The following CGNL1 variants were observed in gnomAD, a reference collection of about 807,000 sequenced individuals.
CGNL1 encodes cingulin-like protein 1.
In CGNL1, 132 loss-of-function variants were observed where a neutral mutation model predicts 141.2. That is an observed-to-expected ratio of 0.93 (90% CI 0.81 to 1.08). The LOEUF is 1.08. Among genes scored for constraint, CGNL1 ranks in the 50% least tolerant of loss-of-function variants. The pLI is 0.00. For missense variants in CGNL1, 1,870 were observed against 1,588.6 expected (o/e 1.18, Z -3.01); for synonymous variants, 690 against 622.1 (o/e 1.11, Z -1.63).
At chr15:57,452,325 G>A (rs770962468) in intron 6 of CGNL1, 36 bp downstream of exon 6, 49 of 1,592,632 alleles carry the variant, frequency 3.1e-5, no homozygotes, top group Non-Finnish European at 3.8e-5. Flanking sequence ...GCCCTTCCCA[G>A]GTTCTCTATG....
intron 4 of CGNL1, among the ~76,000 whole-genome samples, chr15:57,449,329 C>T (rs1247928673): frequency 6.6e-6 from 1 of 152,218 alleles, no homozygotes; most frequent in African/African-American, 2.4e-5. Flanking sequence ...CTTACTATCT[C>T]TAAACTCTAA....
intron 8 of CGNL1, among the ~76,000 whole-genome samples, chr15:57,487,119 A>G (rs543261896): frequency 1.3e-5 from 2 of 152,316 alleles, no homozygotes; most frequent in Admixed American, 1.3e-4. Flanking sequence ...CTAATTGCCC[A>G]GCAACTAGAA....
chr15:57,380,621 A>G (rs1172758821), intron 1 of CGNL1, among the ~76,000 whole-genome samples: 1 of 152,076 alleles, frequency 6.6e-6, no homozygotes, highest in African/African-American at 2.4e-5. Flanking sequence ...CCGTACCCCA[A>G]ATGACTGATT....
intron 7 of CGNL1, among the ~76,000 whole-genome samples, chr15:57,459,161 C>G (rs1041013910): frequency 6.6e-6 from 1 of 152,176 alleles, no homozygotes; most frequent in Admixed American, 6.5e-5. Flanking sequence ...TCCAAGAAAA[C>G]AGGTCGTGTT....
intron 4 of CGNL1, among the ~76,000 whole-genome samples, chr15:57,447,926 G>A (rs16977507): frequency 0.15 from 22,318 of 151,744 alleles, 2,955 homozygotes; most frequent in African/African-American, 0.35. Flanking sequence ...TTCTGGCTAC[G>A]TCAATCTTAC....
chr15:57,536,278 A>G (rs1336282044), intron 14 of CGNL1, among the ~76,000 whole-genome samples: 1 of 152,220 alleles, frequency 6.6e-6, no homozygotes, highest in East Asian at 1.9e-4. Context: ...CGTGGGGATT[A>G]TGGGAGCTAT....
intron 3 of CGNL1, 149 bp downstream of exon 3, chr15:57,440,620 C>T (rs111535377): frequency 3.1e-5 from 20 of 642,942 alleles, no homozygotes; most frequent in African/African-American, 1.6e-4. Flanking sequence ...GTTTTCGTGA[C>T]GGCATTTGTC....
At chr15:57,482,632 A>G (rs1378674868) in intron 8 of CGNL1, among the ~76,000 whole-genome samples, 4 of 152,108 alleles carry the variant, frequency 2.6e-5, no homozygotes, top group Non-Finnish European at 4.4e-5. Context: ...ATTCTGTTTC[A>G]TTGACCTGTG....
intron 1 of CGNL1, among the ~76,000 whole-genome samples, chr15:57,401,191 T>A (rs958619826): frequency 1.3e-5 from 2 of 152,198 alleles, no homozygotes; most frequent in Non-Finnish European, 2.9e-5. Flanking sequence ...TTGGTATAGA[T>A]ATATCGTAAT....
At chr15:57,403,749 G>C (rs1472206925) in intron 1 of CGNL1, among the ~76,000 whole-genome samples, 1 of 151,828 alleles carries the variant, frequency 6.6e-6, no homozygotes, top group Non-Finnish European at 1.5e-5. Context: ...AGGTGACGTT[G>C]TGCAGAAGGA....
At chr15:57,536,883 T>G (rs1184377427) in intron 14 of CGNL1, among the ~76,000 whole-genome samples, 1 of 152,220 alleles carries the variant, frequency 6.6e-6, no homozygotes, top group Non-Finnish European at 1.5e-5. Context: ...TGAGACTATG[T>G]CATGGTCTTA....
intron 8 of CGNL1, among the ~76,000 whole-genome samples, chr15:57,465,483 TG>T (rs1180745551): frequency 6.8e-6 from 1 of 147,614 alleles, no homozygotes; most frequent in African/African-American, 2.5e-5. Context: ...CTCCACCTCC[TG>T]GGTTCAAGTG....
chr15:57,550,600 G>A lies in CGNL1; in HGVS notation c.*3110G>A, dbSNP rs2033069131. On this transcript the variant is annotated 3_prime_UTR_variant, in exon 19 of 19. Transcript: ENST00000281282. ...CCATTGCGTCTCTGCTTTAGGGTAT[G>A]GTTTGGTCGCTTTGGTTGTCATGAG... The A allele has an allele frequency of 2.0e-5, 3 of 152,704 alleles. No homozygotes were observed. In the South Asian group the frequency reaches 6.2e-4, roughly 32 times the overall value. 9.5% of individuals were successfully genotyped at this position (152,704 alleles called of 1,614,324 possible). A position where few individuals can be genotyped will look rare whatever the true frequency, so the allele number is the denominator to read the frequency against.
chr15:57,432,183 G>A (rs1467337968), intron 1 of CGNL1, among the ~76,000 whole-genome samples: 1 of 152,220 alleles, frequency 6.6e-6, no homozygotes, highest in African/African-American at 2.4e-5. Context: ...GCCAGCCACA[G>A]CATAAAGGTG....
intron 1 of CGNL1, among the ~76,000 whole-genome samples, chr15:57,410,123 A>C (rs1168574641): frequency 3.3e-5 from 5 of 152,184 alleles, no homozygotes. Flanking sequence ...TTGCAGTGTG[A>C]GGGTCAGGCC....
intron 1 of CGNL1, among the ~76,000 whole-genome samples, chr15:57,383,521 A>C (rs1412027484): frequency 6.6e-6 from 1 of 151,866 alleles, no homozygotes. Context: ...GATGGTCTCT[A>C]TCTCCTGACC....
chr15:57,505,750 GTTGACAGCTTTCTATACGGAAA>G (rs1387936936), intron 8 of CGNL1, among the ~76,000 whole-genome samples: 7 of 152,162 alleles, frequency 4.6e-5, no homozygotes, highest in African/African-American at 1.4e-4. Flanking sequence ...AAACGGAAAA[GTTGACAGCTTTCTATACGGAAA>G]TTTGGTCTTG....
chr15:57,464,670 T>TTTCCTTTCC (rs2063487631), intron 8 of CGNL1, among the ~76,000 whole-genome samples: 1 of 111,742 alleles, frequency 8.9e-6, no homozygotes, highest in African/African-American at 3.4e-5. Context: ...CTGCGGTTTC[T>TTTCCTTTCC]TTTCCTTTCC....
chr15:57,529,018 A>G (rs1238761286), intron 13 of CGNL1: 1 of 524,488 alleles, frequency 1.9e-6, no homozygotes, highest in Admixed American at 3.4e-5. Context: ...GCTAGAAGGA[A>G]TGATGGATAT....
Sources: allele counts gnomAD v4.1 joint callset (sites outside exome capture counted in the v4.1 genomes callset), GRCh38; gene constraint gnomAD v4.1.1; transcripts MANE v1.5; gene names NCBI Gene and HGNC (gene_info 2026-07-23, HGNC 2026-07-21).